Variants in XG observed in about 807,000 individuals in gnomAD.
XG encodes the protein Xg glycoprotein (Xg blood group), also known as glycoprotein Xg.
Under a neutral mutation model 25.7 loss-of-function variants are expected in XG, and 24 were observed. The ratio of observed to expected loss-of-function variants is 0.93; its 90% CI spans 0.68 to 1.31. The LOEUF (loss-of-function observed/expected upper bound fraction) is 1.31, where lower values mean the gene tolerates loss of function less well. Ranked by LOEUF, XG falls within the 40% of genes most tolerant of loss-of-function variation. The probability of loss-of-function intolerance (pLI) is 0.00; values close to 1 mark genes in which losing one functional copy is unlikely to be tolerated. For synonymous variants in XG, 77 were observed against 69.2 expected, an observed-to-expected ratio of 1.11 and a Z score of -0.56; for missense variants, 181 against 187.6, an observed-to-expected ratio of 0.96 and a Z score of 0.21.
chrX:2,789,005 A>G (rs779949096), intron 4 of XG, among the ~76,000 whole-genome samples: 23 of 111,380 alleles, frequency 2.1e-4, no homozygotes, highest in Non-Finnish European at 3.2e-4. Flanking sequence ...GCAAGACAGG[A>G]CGATTGCTTA....
intron 3 of XG, among the ~76,000 whole-genome samples, chrX:2,778,025 G>T (rs1364573964): frequency 6.6e-6 from 1 of 152,170 alleles, no homozygotes; most frequent in African/African-American, 2.4e-5. Context: ...AAGCCAAGTT[G>T]GGCTAGCAAA....
At chrX:2,790,259 G>T (rs1300764364) in intron 5 of XG, among the ~76,000 whole-genome samples, 1 of 111,097 alleles carries the variant, frequency 9.0e-6, no homozygotes, top group Non-Finnish European at 1.9e-5. Flanking sequence ...CCAGCACTTT[G>T]GGAAGCCGAG....
At chrX:2,762,108 A>G (rs2124417954) in intron 1 of XG, among the ~76,000 whole-genome samples, 1 of 152,252 alleles carries the variant, frequency 6.6e-6, no homozygotes, top group South Asian at 2.1e-4. Flanking sequence ...ACGGGTTTAT[A>G]ACACACCGTC....
At chrX:2,769,087 C>G (rs145664721) in intron 1 of XG, among the ~76,000 whole-genome samples, 2 of 152,166 alleles carry the variant, frequency 1.3e-5, no homozygotes, top group Non-Finnish European at 2.9e-5. Context: ...TCTGGGGATG[C>G]GTCTTCTGCT....
rs2087101595 is a variant in XG at position 2,815,978 on chromosome X, A to G, written c.*1598A>G. 8.9e-6 allele frequency: 1 copy of G among 112,483 alleles called. No individual in the cohort carries two copies. The highest frequency in any genetic ancestry group is 3.2e-5 in the African/African-American group (1 of 30,978). 9.3% of individuals were successfully genotyped at this position (112,483 alleles called of 1,213,427 possible). On this transcript the variant is annotated 3_prime_UTR_variant, in exon 11 of 11. Transcript: ENST00000644266. ...TTTCTATATTTCACAAATAAATTGT[A>G]TGAAATGACTGTAGAAGTGGCCCCA... is the stretch of plus-strand genomic sequence containing the variant.
intron 1 of XG, among the ~76,000 whole-genome samples, 156 bp downstream of exon 1, chrX:2,752,491 G>T (rs1383546361): frequency 2.6e-5 from 4 of 152,274 alleles, no homozygotes; most frequent in Non-Finnish European, 4.4e-5. Context: ...GTGGCTGAGA[G>T]GGGAGGGAGA....
intron 7 of XG, 86 bp from the exon 8 acceptor site, chrX:2,806,615 G>A (rs181754272): frequency 3.2e-4 from 275 of 854,797 alleles, no homozygotes; most frequent in Non-Finnish European, 4.3e-4. Flanking sequence ...TCTTGCTTCA[G>A]GTTTGCTGAC....
At chrX:2,797,191 C>G (rs1238192051) in intron 6 of XG, 119 bp from the exon 7 acceptor site, 16 of 724,715 alleles carry the variant, frequency 2.2e-5, no homozygotes, top group Admixed American at 1.6e-4. Flanking sequence ...GCTCTCTTGG[C>G]AGTGACACGT....
At chrX:2,814,336 T>C (rs372946249) in intron 10 of XG, 28 bp from the exon 11 acceptor site, 1 of 1,186,406 alleles carries the variant, frequency 8.4e-7, no homozygotes, top group African/African-American at 1.8e-5. Flanking sequence ...GCCCCCACAA[T>C]GACATTTGTT....
At chrX:2,765,078 C>T (rs1002704998) in intron 1 of XG, among the ~76,000 whole-genome samples, 6 of 117,598 alleles carry the variant, frequency 5.1e-5, no homozygotes, top group Admixed American at 2.9e-4. Flanking sequence ...CTAGGCACGG[C>T]GGCTCATGCC....
At chrX:2,809,210 G>T (rs185005065) in intron 9 of XG, among the ~76,000 whole-genome samples, 204 of 111,381 alleles carry the variant, frequency 1.8e-3, no homozygotes, top group African/African-American at 6.5e-3. Context: ...GGGGACACCG[G>T]AAATTGTGTA....
Position 2,785,856 on chromosome X carries a change from T to G in XG, c.190+3728T>G, listed in dbSNP as rs72619370. ...AGATGGGGTGTTCTGGAACAATCCCTCAGACAACGAAGGCAATTGTTGATG... is the reference window on the plus strand; with the variant it reads ...AGATGGGGTGTTCTGGAACAATCCCGCAGACAACGAAGGCAATTGTTGATG... On this transcript the variant is annotated intron_variant, in intron 4 of 10. Coordinates refer to ENST00000644266, the MANE Select transcript of XG (RefSeq NM_001141919.2). Among the ~76,000 whole-genome samples the G allele has an allele frequency of 2.3e-4, 26 of 111,397 alleles. No individual in the cohort carries two copies. The East Asian group carries it at 2.5e-3, about 11-fold the overall frequency.
Position 2,792,967 on chromosome X carries a change from G to A in XG, c.254-1568G>A, listed in dbSNP as rs749526745. On this transcript the variant is annotated intron_variant, in intron 5 of 10. Transcript: ENST00000644266. ...CTCTCTGTGTCACTCAGGCTGGAAT[G>A]CAGTGGTGTGATCATAGCTAACTGC... Among the ~76,000 whole-genome samples, 3 of 110,092 alleles carry A rather than the reference G, an allele frequency of 2.7e-5. No individual in the cohort carries two copies. In the East Asian group the frequency reaches 8.6e-4, roughly 31 times the overall value.
At chrX:2,771,426 T>G (rs2050817074) in intron 2 of XG, among the ~76,000 whole-genome samples, 1 of 152,162 alleles carries the variant, frequency 6.6e-6, no homozygotes, top group East Asian at 1.9e-4. Context: ...ATCTTCCCAT[T>G]CTGTGTTTTC....
intron 7 of XG, among the ~76,000 whole-genome samples, chrX:2,801,960 G>A (rs1276035354): frequency 2.7e-5 from 3 of 111,264 alleles, no homozygotes; most frequent in Non-Finnish European, 5.7e-5. Context: ...GCCCGCCTCG[G>A]CCTCCCAAAG....
chrX:2,795,847 G>A (rs1234829167), intron 6 of XG, among the ~76,000 whole-genome samples: 2 of 109,544 alleles, frequency 1.8e-5, no homozygotes, highest in Non-Finnish European at 3.8e-5. Flanking sequence ...TAGTAGAGAC[G>A]GGGTTTCACC....
At chrX:2,797,399 TGGGAGG>T in intron 7 of XG, 39 bp downstream of exon 7, 1 of 1,054,555 alleles carries the variant, frequency 9.5e-7, no homozygotes, top group South Asian at 1.9e-5. Context: ...GGGTGGAGGG[TGGGAGG>T]GGTCATCTTT....
chrX:2,772,560 C>T (rs1432913417), intron 2 of XG, among the ~76,000 whole-genome samples: 6 of 151,940 alleles, frequency 3.9e-5, no homozygotes, highest in Non-Finnish European at 7.4e-5. Context: ...GAAGAGGGGA[C>T]AAAAGGGAGG....
At chrX:2,776,611 G>A (rs1230545617) in intron 3 of XG, among the ~76,000 whole-genome samples, 1 of 152,014 alleles carries the variant, frequency 6.6e-6, no homozygotes, top group African/African-American at 2.4e-5. Flanking sequence ...GTGAGTAAAG[G>A]AAAAGGGAGA....
Sources: gnomAD v4.1 joint callset for allele counts (sites outside exome capture counted in the v4.1 genomes callset) on GRCh38, gnomAD v4.1.1 for gene constraint, MANE v1.5 for transcripts, NCBI Gene and HGNC (gene_info 2026-07-23, HGNC 2026-07-21) for gene names.